Variants in PSMG1 observed in about 807,000 individuals in gnomAD.
The protein encoded by PSMG1 is Down syndrome critical region gene 2.
In PSMG1, 23 loss-of-function variants were observed where a neutral mutation model predicts 37.2. The ratio of observed to expected loss-of-function variants is 0.62; its 90% CI spans 0.44 to 0.88. PSMG1 has a LOEUF of 0.88. Among genes scored for constraint, PSMG1 ranks in the 40% least tolerant of loss-of-function variants. The pLI is 0.00. For synonymous variants in PSMG1, 127 were observed against 128.0 expected (o/e 0.99, Z 0.05); for missense variants, 340 against 344.2 (o/e 0.99, Z 0.10).
At chr21:39,183,174 C>A in intron 1 of PSMG1, 78 bp downstream of exon 1, 1 of 1,429,216 alleles carries the variant, frequency 7.0e-7, no homozygotes, top group Non-Finnish European at 9.2e-7. Context: ...GAGCCCCGGC[C>A]TTAGGCGCCG....
upstream of PSMG1, chr21:39,183,514 G>T: frequency 8.4e-7 from 1 of 1,190,982 alleles, no homozygotes; most frequent in Non-Finnish European, 1.1e-6. Flanking sequence ...TCCGCGCACA[G>T]CCCAAGCTCG....
intron 5 of PSMG1, 49 bp from the exon 6 acceptor site, chr21:39,177,620 C>A (rs747211298): frequency 7.2e-7 from 1 of 1,391,644 alleles, no homozygotes; most frequent in South Asian, 1.7e-5. Flanking sequence ...TATTATGTTA[C>A]TTTTAAATTA....
At chr21:39,176,188 C>A (rs1483159231) in intron 6 of PSMG1, among the ~76,000 whole-genome samples, 1 of 152,230 alleles carries the variant, frequency 6.6e-6, no homozygotes, top group African/African-American at 2.4e-5. Flanking sequence ...CAGCACCCTG[C>A]AGAACCACCA....
In PSMG1 at chr21:39,177,340, A is replaced by T. The variant is rs939434674; in HGVS notation, c.792+95T>A. The T allele has an allele frequency of 1.1e-5, 13 of 1,219,532 alleles. No homozygotes were observed. The East Asian group carries it at 2.4e-4, about 23-fold the overall frequency. The allele number at this position is 1,219,532 out of a possible 1,614,324, so 75.5% of individuals were successfully genotyped here. Reference sequence around the variant, plus strand: ...CTTTGAGAAGAATGGATCTCCAAGCATTGCTTAGGGTTTAAAATGACAGTA... The same window carrying T: ...CTTTGAGAAGAATGGATCTCCAAGCTTTGCTTAGGGTTTAAAATGACAGTA... On this transcript the variant is annotated intron_variant, in intron 6 of 6. Coordinates refer to ENST00000331573, the MANE Select transcript of PSMG1 (RefSeq NM_003720.4).
chr21:39,177,037 A>AAT (rs2030649450), intron 6 of PSMG1, among the ~76,000 whole-genome samples: 1 of 152,242 alleles, frequency 6.6e-6, no homozygotes, highest in African/African-American at 2.4e-5. Context: ...TCACATATAC[A>AAT]GTTCTCTGTA....
intron 1 of PSMG1, among the ~76,000 whole-genome samples, chr21:39,182,907 G>A (rs2030910892): frequency 6.6e-6 from 1 of 152,106 alleles, no homozygotes. Flanking sequence ...TGTGACAAGC[G>A]GGAAGATCAC....
intron 2 of PSMG1, among the ~76,000 whole-genome samples, chr21:39,180,834 G>C (rs1198851785): frequency 6.6e-6 from 1 of 152,168 alleles, no homozygotes; most frequent in Non-Finnish European, 1.5e-5. Context: ...TGGGTTTCCT[G>C]AATGTTCTCA....
chr21:39,180,401 A>G lies in PSMG1; in HGVS notation c.277T>C (p.Trp93Arg), dbSNP rs2030785959. ...LSSFVMNSGVWEEVGCAKLWN... is the reference protein window; with the variant it reads ...LSSFVMNSGVREEVGCAKLWN... Reference sequence around the variant, plus strand: ...AGTTTAGCACAACCAACTTCCTCCCAGACTCCTGAATTCATAACAAATGAT... The same window carrying G: ...AGTTTAGCACAACCAACTTCCTCCCGGACTCCTGAATTCATAACAAATGAT... The change falls in exon 3 of 7, where the codon TGG becomes CGG. Residue 93 changes from tryptophan (W) to arginine (R), a missense_variant. Coordinates refer to ENST00000331573, the MANE Select transcript of PSMG1 (RefSeq NM_003720.4). 6.2e-7 allele frequency: 1 copy of G among 1,607,170 alleles called. No individual in the cohort carries two copies.
intron 6 of PSMG1, among the ~76,000 whole-genome samples, chr21:39,176,494 G>C (rs1156680261): frequency 6.6e-6 from 1 of 152,192 alleles, no homozygotes; most frequent in African/African-American, 2.4e-5. Context: ...TGAAAGAGAT[G>C]CTAAAAATAA....
chr21:39,182,165 G>A (rs765510790), intron 1 of PSMG1, among the ~76,000 whole-genome samples: 1 of 152,188 alleles, frequency 6.6e-6, no homozygotes, highest in Non-Finnish European at 1.5e-5. Context: ...CCTGCAATAA[G>A]AAACAGAAAG....
At chr21:39,179,677 G>GACCA (rs1177260832) in intron 4 of PSMG1, among the ~76,000 whole-genome samples, 15 of 151,068 alleles carry the variant, frequency 9.9e-5, no homozygotes, top group African/African-American at 3.6e-4. Flanking sequence ...CAATGCTGAG[G>GACCA]ACCAACTGTG....
Position 39,181,753 on chromosome 21 carries a change from C to T in PSMG1, c.241+19G>A, listed in dbSNP as rs371116943. On this transcript the variant is annotated intron_variant, in intron 2 of 6. Coordinates refer to ENST00000331573, the MANE Select transcript of PSMG1 (RefSeq NM_003720.4). Reference sequence around the variant, plus strand: ...CATTCTTTCAACAAAATGACTAAGTCTTCTGCATTTTCACTTACCTACTGC... The same window carrying T: ...CATTCTTTCAACAAAATGACTAAGTTTTCTGCATTTTCACTTACCTACTGC... 7.4e-5 allele frequency: 107 copies of T among 1,451,742 alleles called. No individual in the cohort carries two copies. The highest frequency in any genetic ancestry group is 9.3e-5 in the Non-Finnish European group (100 of 1,075,124). The allele number at this position is 1,451,742 out of a possible 1,614,324, so 89.9% of individuals were successfully genotyped here.
chr21:39,182,152 T>C (rs976145554), intron 1 of PSMG1, among the ~76,000 whole-genome samples: 16 of 152,208 alleles, frequency 1.1e-4, no homozygotes, highest in African/African-American at 3.6e-4. Context: ...CAGCTGGGGA[T>C]AGCCTGCAAT....
In PSMG1 at chr21:39,178,607, ATAGT is replaced by A; in HGVS notation, c.493_496del (p.Thr165PhefsTer24). ...ATCGGTAACATGTCGACATGTGAGAATAGTTATCTGCATGTTCTTCCTTGGACAA... is the reference window on the plus strand; with the variant it reads ...ATCGGTAACATGTCGACATGTGAGAATATCTGCATGTTCTTCCTTGGACAA... On this transcript the variant is annotated frameshift_variant, in exon 5 of 7. Transcript: ENST00000331573. LOFTEE classifies it high-confidence loss of function. 1 of 1,614,148 alleles carries A rather than the reference ATAGT, an allele frequency of 6.2e-7. No homozygotes were observed. Among genetic ancestry groups the A allele is most frequent in the Non-Finnish European group, 8.5e-7 (1 of 1,180,026 alleles).
chr21:39,178,315 G>T, intron 5 of PSMG1, 134 bp downstream of exon 5: 2 of 768,256 alleles, frequency 2.6e-6, no homozygotes, highest in Non-Finnish European at 4.1e-6. Context: ...TGTAACTACA[G>T]ATATTGAGGA....
chr21:39,179,320 G>C (rs1569142544), intron 4 of PSMG1, among the ~76,000 whole-genome samples: 1 of 152,078 alleles, frequency 6.6e-6, no homozygotes. Context: ...CTACTTAAGG[G>C]GCCTGCGATG....
intron 1 of PSMG1, 145 bp downstream of exon 1, chr21:39,183,107 G>A (rs1265051668): frequency 2.8e-6 from 3 of 1,056,718 alleles, no homozygotes; most frequent in Middle Eastern, 3.2e-4. Flanking sequence ...CGGAGACCCA[G>A]GGCCCAAGCA....
chr21:39,177,396 A>G, intron 6 of PSMG1, 39 bp downstream of exon 6: 1 of 1,515,710 alleles, frequency 6.6e-7, no homozygotes, highest in Non-Finnish European at 8.9e-7. Context: ...AGCTGATTAT[A>G]ACAATGCAGC....
Position 39,180,175 on chromosome 21 carries a change from G to A in PSMG1, c.393+110C>T, listed in dbSNP as rs545608072. ...ACTGGTGATTAGTATCAGAAAAAGT[G>A]CACACTGACAGAGCAACTGAAAGAT... On this transcript the variant is annotated intron_variant, in intron 3 of 6. Coordinates refer to ENST00000331573, the MANE Select transcript of PSMG1 (RefSeq NM_003720.4). 6 of 1,346,076 alleles carry A rather than the reference G, an allele frequency of 4.5e-6. No homozygotes were observed. In the South Asian group the frequency reaches 6.0e-5, roughly 13 times the overall value. 83.4% of individuals were successfully genotyped at this position (1,346,076 alleles called of 1,614,324 possible).
Sources: allele counts gnomAD v4.1 joint callset (sites outside exome capture counted in the v4.1 genomes callset), GRCh38; gene constraint gnomAD v4.1.1; transcripts MANE v1.5; gene names NCBI Gene and HGNC (gene_info 2026-07-23, HGNC 2026-07-21).